RPA1: variants seen among roughly 807,000 people sequenced by gnomAD.
The protein encoded by RPA1 is replication protein A1, also known as replication protein A 70 kDa DNA-binding subunit.
A neutral mutation model predicts 83.0 loss-of-function variants in RPA1; 49 were observed. The observed-to-expected ratio is 0.59, with a 90% CI of 0.47 to 0.75. The LOEUF (loss-of-function observed/expected upper bound fraction) is 0.75, where lower values mean the gene tolerates loss of function less well. Among genes scored for constraint, RPA1 ranks in the 30% least tolerant of loss-of-function variants. The pLI, the probability that RPA1 is intolerant of heterozygous loss-of-function variation, is 0.00. For missense variants in RPA1, 693 were observed against 776.1 expected, an observed-to-expected ratio of 0.89 and a Z score of 1.27; for synonymous variants, 279 against 281.8, an observed-to-expected ratio of 0.99 and a Z score of 0.10.
At chr17:1,837,726 G>A (rs1038653619) in intron 1 of RPA1, among the ~76,000 whole-genome samples, 1 of 152,166 alleles carries the variant, frequency 6.6e-6, no homozygotes, top group African/African-American at 2.4e-5. Flanking sequence ...ATATCTTCAC[G>A]AAAGAAGTGT....
At chr17:1,851,168 A>T (rs1333961113) in intron 4 of RPA1, among the ~76,000 whole-genome samples, 33 of 152,184 alleles carry the variant, frequency 2.2e-4, no homozygotes, top group Admixed American at 2.2e-3. Context: ...TGTATTTTTG[A>T]AAGATAAAAA....
chr17:1,885,235 C>T (rs1361395615), intron 13 of RPA1, among the ~76,000 whole-genome samples: 1 of 152,168 alleles, frequency 6.6e-6, no homozygotes, highest in East Asian at 1.9e-4. Context: ...ACTTTCCTTG[C>T]CCATCGTAAG....
At position 1,897,524 on chromosome 17, in the gene RPA1, T is replaced by G; in HGVS notation, c.*349T>G. 5.6e-6 allele frequency: 1 copy of G among 177,908 alleles called. No homozygotes were observed. Among genetic ancestry groups the G allele is most frequent in the Non-Finnish European group, 1.2e-5 (1 of 84,112 alleles). 11.0% of individuals were successfully genotyped at this position (177,908 alleles called of 1,614,324 possible). Reference sequence around the variant, plus strand: ...CAGACCATGAAGTAAATTATGTAACTAGGTTTTTGCTTCTCCAGTGGTGAC... The same window carrying G: ...CAGACCATGAAGTAAATTATGTAACGAGGTTTTTGCTTCTCCAGTGGTGAC... On this transcript the variant is annotated 3_prime_UTR_variant, in exon 17 of 17. Transcript: ENST00000254719.
At position 1,879,584 on chromosome 17, in the gene RPA1, A is replaced by T. The variant is rs1410579732; in HGVS notation, c.977A>T (p.Tyr326Phe). 6.2e-7 allele frequency: 1 copy of T among 1,614,236 alleles called. No individual in the cohort carries two copies. Among genetic ancestry groups the T allele is most frequent in the Admixed American group, 1.7e-5 (1 of 60,022 alleles). ...LVDIIGICKS[Y>F]EDATKITVRS... ...GACATCATCGGGATCTGCAAGAGCT[A>T]TGAAGACGCCACTAAAATCACAGTG... The change falls in exon 11 of 17, where the codon TAT becomes TTT. Residue 326 changes from tyrosine to phenylalanine, a missense_variant. Tyr to Phe is a conservative substitution (Grantham distance 22). Coordinates refer to ENST00000254719, the MANE Select transcript of RPA1 (RefSeq NM_002945.5).
intron 1 of RPA1, among the ~76,000 whole-genome samples, chr17:1,838,837 T>G (rs1362871034): frequency 6.6e-6 from 1 of 152,002 alleles, no homozygotes; most frequent in Non-Finnish European, 1.5e-5. Context: ...CTTAGTCACT[T>G]TATTTATTTA....
chr17:1,864,253 T>C (rs1358818082), intron 5 of RPA1, among the ~76,000 whole-genome samples: 2 of 152,212 alleles, frequency 1.3e-5, no homozygotes, highest in African/African-American at 2.4e-5. Context: ...TTTACCAATA[T>C]ATGCGGGGCA....
At chr17:1,886,063 C>G (rs1211186694) in intron 13 of RPA1, among the ~76,000 whole-genome samples, 1 of 151,676 alleles carries the variant, frequency 6.6e-6, no homozygotes, top group Non-Finnish European at 1.5e-5. Context: ...ATATATTAAT[C>G]TCCTTGTACT....
At chr17:1,855,393 TG>T (rs1912655745) in intron 5 of RPA1, among the ~76,000 whole-genome samples, 1 of 151,988 alleles carries the variant, frequency 6.6e-6, no homozygotes, top group Non-Finnish European at 1.5e-5. Flanking sequence ...TTTGCCATGT[TG>T]GCCAGGCTGG....
chr17:1,868,424 A>G (rs1913263757), intron 5 of RPA1, among the ~76,000 whole-genome samples: 1 of 152,186 alleles, frequency 6.6e-6, no homozygotes, highest in African/African-American at 2.4e-5. Context: ...ATGTGAGGTG[A>G]CCAGTACAAT....
intron 5 of RPA1, chr17:1,857,915 T>A (rs1206767643): frequency 6.4e-7 from 1 of 1,564,372 alleles, no homozygotes; most frequent in Non-Finnish European, 8.7e-7. Context: ...CAAGGAGATC[T>A]GAAAATACAA....
intron 6 of RPA1, among the ~76,000 whole-genome samples, chr17:1,874,674 A>G (rs1050655139): frequency 2.6e-5 from 4 of 152,236 alleles, no homozygotes; most frequent in Admixed American, 6.5e-5. Context: ...GTATTCTACA[A>G]AGTACCTGTG....
chr17:1,881,852 A>AT (rs1352714155), intron 12 of RPA1, among the ~76,000 whole-genome samples: 1 of 152,020 alleles, frequency 6.6e-6, no homozygotes, highest in African/African-American at 2.4e-5. Flanking sequence ...GATCTTGGCT[A>AT]TAACAATGCA....
At chr17:1,844,059 T>C (rs1878442962) in intron 3 of RPA1, 61 bp downstream of exon 3, 2 of 1,467,478 alleles carry the variant, frequency 1.4e-6, no homozygotes, top group African/African-American at 1.4e-5. Flanking sequence ...GCACACCTGG[T>C]CCTTTGGTTG....
rs1597455694 is a variant in RPA1 at position 1,884,316 on chromosome 17, T to C, written c.1374+372T>C. On this transcript the variant is annotated intron_variant, in intron 13 of 16. Transcript: ENST00000254719. This position sits in a 1 kb window ranked among gnomAD's most constrained non-coding sequence, Gnocchi z 4.1. ...CGCCCACATATCAAAAAGATGTTTT[T>C]TGAGATGAGCGTTAGTCCGCCTCAG... 7.2e-6 allele frequency among the ~76,000 whole-genome samples: 1 copy of C among 139,294 alleles called. No individual in the cohort carries two copies. The highest frequency in any genetic ancestry group is 2.1e-4 in the East Asian group (1 of 4,724). 91.4% of individuals were successfully genotyped at this position (139,294 alleles called of 152,430 possible).
At chr17:1,886,470 C>T (rs1913995757) in intron 13 of RPA1, among the ~76,000 whole-genome samples, 1 of 152,304 alleles carries the variant, frequency 6.6e-6, no homozygotes, top group Non-Finnish European at 1.5e-5. Flanking sequence ...TTTCTACTCT[C>T]TAGGACGAAT....
At chr17:1,838,120 C>T (rs1284546242) in intron 1 of RPA1, among the ~76,000 whole-genome samples, 2 of 151,176 alleles carry the variant, frequency 1.3e-5, no homozygotes, top group East Asian at 1.9e-4. Flanking sequence ...GGAGAAATCC[C>T]GTCTCTACTA....
intron 13 of RPA1, among the ~76,000 whole-genome samples, chr17:1,887,506 C>T (rs1409586357): frequency 6.6e-6 from 1 of 150,728 alleles, no homozygotes; most frequent in Non-Finnish European, 1.5e-5. Context: ...TTTCAGTGAG[C>T]TGAGATCATG....
At chr17:1,894,367 G>A (rs1045615745) in intron 15 of RPA1, among the ~76,000 whole-genome samples, 20 of 152,088 alleles carry the variant, frequency 1.3e-4, no homozygotes, top group Middle Eastern at 3.4e-3. Context: ...GGGTTTCACC[G>A]TGTTGGCCAG....
chr17:1,854,742 A>T (rs1912624312), intron 5 of RPA1, among the ~76,000 whole-genome samples: 1 of 152,200 alleles, frequency 6.6e-6, no homozygotes, highest in South Asian at 2.1e-4. Context: ...AACTAGGATA[A>T]AATATTTGCA....
Sources: allele counts gnomAD v4.1 joint callset (sites outside exome capture counted in the v4.1 genomes callset), GRCh38; gene constraint gnomAD v4.1.1; non-coding constraint Gnocchi (gnomAD v3.1); transcripts MANE v1.5; gene names NCBI Gene and HGNC (gene_info 2026-07-23, HGNC 2026-07-21).